ZNF23: variants seen among roughly 807,000 people sequenced by gnomAD.
The protein encoded by ZNF23 is zinc finger protein 23, also known as kruppel-like zinc finger factor X31.
ZNF23 carries 48 observed loss-of-function variants against 56.2 expected under a neutral mutation model. The ratio of observed to expected loss-of-function variants is 0.85; its 90% CI spans 0.68 to 1.09. ZNF23 has a LOEUF of 1.09. Ranked by LOEUF, ZNF23 falls within the 50% of genes least tolerant of loss-of-function variation. ZNF23 has a pLI of 0.00. For synonymous variants in ZNF23, 266 were observed against 283.3 expected (o/e 0.94, Z 0.61); for missense variants, 805 against 811.4 (o/e 0.99, Z 0.10).
In ZNF23 at chr16:71,453,242, C is replaced by T; in HGVS notation, c.268+1G>A. 2 of 1,603,356 alleles carry T rather than the reference C, an allele frequency of 1.2e-6. No individual in the cohort carries two copies. Among genetic ancestry groups the T allele is most frequent in the African/African-American group, 1.3e-5 (1 of 74,836 alleles). The stretch of plus-strand genomic sequence containing the variant: ...GAGTGGGAAATATGTACCTCCCTTA[C>T]CAGTCTGGAGGCCCTGGAGGCCTGT... On this transcript the variant is annotated splice_donor_variant, in intron 4 of 4. Transcript: ENST00000647773. LOFTEE classifies it high-confidence loss of function.
chr16:71,456,925 A>T (rs1478364462), intron 1 of ZNF23, 97 bp from the exon 2 acceptor site: 1 of 326,870 alleles, frequency 3.1e-6, no homozygotes, highest in Non-Finnish European at 4.4e-6. Context: ...GGCAGCTTGC[A>T]TCCAAATAGG....
intron 3 of ZNF23, 157 bp downstream of exon 3, chr16:71,453,885 T>C (rs1446968118): frequency 9.2e-6 from 8 of 871,100 alleles, no homozygotes; most frequent in Non-Finnish European, 1.5e-5. Context: ...GCTTGGCATT[T>C]GCCCCTGCCA....
chr16:71,453,036 G>C (rs2043107521), intron 4 of ZNF23, among the ~76,000 whole-genome samples: 1 of 152,044 alleles, frequency 6.6e-6, no homozygotes, highest in Non-Finnish European at 1.5e-5. Flanking sequence ...TGAAGGGTTT[G>C]AAAAAAGATC....
Position 71,448,092 on chromosome 16 carries a change from A to G in ZNF23, c.*1T>C. 1 of 1,576,872 alleles carries G rather than the reference A, an allele frequency of 6.3e-7. No homozygotes were observed. Among genetic ancestry groups the G allele is most frequent in the Non-Finnish European group, 8.6e-7 (1 of 1,163,990 alleles). On this transcript the variant is annotated 3_prime_UTR_variant, in exon 5 of 5. Transcript: ENST00000647773. ...AAGAGTTTTCTATATCTTTCTCATT[A>G]TTAGGATTTTCCTTCACTATGGACA...
rs186375999 is a variant in ZNF23, at chr16:71,457,158, G to A, written c.-32-330C>T. Among the ~76,000 whole-genome samples, 482 of 152,260 alleles carry A rather than the reference G, an allele frequency of 3.2e-3. 1 individual carries two copies. Among genetic ancestry groups the A allele is most frequent in the Non-Finnish European group, 5.6e-3 (384 of 68,022 alleles). ...AGTGCATATAAAACCTGCTGGGCAC[G>A]GTGGCTCGTGCCTATAATCCCAACA... is the stretch of plus-strand genomic sequence containing the variant. On this transcript the variant is annotated intron_variant, in intron 1 of 4. Coordinates refer to ENST00000647773, the MANE Select transcript of ZNF23 (RefSeq NM_001381984.1).
chr16:71,448,325 T>C lies in ZNF23; in HGVS notation c.1829A>G (p.Lys610Arg), dbSNP rs190714096. 4.3e-6 allele frequency: 7 copies of C among 1,614,082 alleles called. No homozygotes were observed. The highest frequency in any genetic ancestry group is 2.2e-5 in the East Asian group (1 of 44,874). ...EKPFQCKECG[K>R]AFHVNAHLIR... is the part of the protein sequence containing the mutation. ...TAAATGGGCATTAACATGGAAGGCT[T>C]TTCCACACTCCTTACACTGAAAGGG... Residue 610 changes from lysine to arginine, a missense_variant, in exon 5 of 5, where the codon AAA becomes AGA. Coordinates refer to ENST00000647773, the MANE Select transcript of ZNF23 (RefSeq NM_001381984.1).
chr16:71,457,843 T>A (rs1473324913), intron 1 of ZNF23, among the ~76,000 whole-genome samples: 1 of 152,240 alleles, frequency 6.6e-6, no homozygotes, highest in Non-Finnish European at 1.5e-5. Flanking sequence ...CTTTGACTTA[T>A]TTCTCTTTCT....
chr16:71,454,857 C>T (rs981212710), intron 2 of ZNF23, among the ~76,000 whole-genome samples: 3 of 152,308 alleles, frequency 2.0e-5, no homozygotes, highest in Non-Finnish European at 4.4e-5. Context: ...TCCCACTGGC[C>T]GGCTACTCTC....
chr16:71,458,900 G>A (rs1477854395), intron 1 of ZNF23, among the ~76,000 whole-genome samples: 1 of 152,244 alleles, frequency 6.6e-6, no homozygotes, highest in Non-Finnish European at 1.5e-5. Context: ...AGGCTGAGCA[G>A]TGTTTTACTT....
At chr16:71,455,929 T>C (rs1029918146) in intron 2 of ZNF23, 2 of 434,668 alleles carry the variant, frequency 4.6e-6, no homozygotes, top group African/African-American at 4.1e-5. Flanking sequence ...TGCCTTTTCT[T>C]TTTAGGTGGA....
intron 1 of ZNF23, among the ~76,000 whole-genome samples, chr16:71,458,680 G>A (rs1177905310): frequency 2.0e-5 from 3 of 152,170 alleles, no homozygotes; most frequent in African/African-American, 4.8e-5. Context: ...CAGAGCCCAC[G>A]AAACCACTCA....
intron 2 of ZNF23, 75 bp from the exon 3 acceptor site, chr16:71,454,243 T>C (rs2043148686): frequency 7.8e-6 from 12 of 1,530,482 alleles, no homozygotes; most frequent in Non-Finnish European, 9.6e-6. Flanking sequence ...GAGCGCAGTA[T>C]AAGGGCTTGG....
Position 71,453,247 on chromosome 16 carries a change from C to A in ZNF23, c.264G>T (p.Gln88His), listed in dbSNP as rs756229019. ...LAAGTGLQGL[Q>H]TVDIQTDNDL... ...GGAAATATGTACCTCCCTTACCAGTCTGGAGGCCCTGGAGGCCTGTTCCTG... is the reference window on the plus strand; with the variant it reads ...GGAAATATGTACCTCCCTTACCAGTATGGAGGCCCTGGAGGCCTGTTCCTG... Residue 88 changes from glutamine to histidine, a missense_variant, in exon 4 of 5, where the codon CAG becomes CAT. Coordinates refer to ENST00000647773, the MANE Select transcript of ZNF23 (RefSeq NM_001381984.1). 7.5e-6 allele frequency: 12 copies of A among 1,605,030 alleles called. No homozygotes were observed. In the South Asian group the frequency reaches 1.3e-4, roughly 18 times the overall value.
intron 2 of ZNF23, among the ~76,000 whole-genome samples, chr16:71,455,118 T>C (rs2043181097): frequency 6.6e-6 from 1 of 152,244 alleles, no homozygotes; most frequent in Non-Finnish European, 1.5e-5. Flanking sequence ...GTCCAACCTT[T>C]AGGTGTTTCT....
Position 71,453,140 on chromosome 16 carries a change from G to A in ZNF23, c.268+103C>T, listed in dbSNP as rs552422170. On this transcript the variant is annotated intron_variant, in intron 4 of 4. Coordinates refer to ENST00000647773, the MANE Select transcript of ZNF23 (RefSeq NM_001381984.1). Reference sequence around the variant, plus strand: ...TCAAAATTTACTCAAACTTCACTCTGTATGACTGGCCAATAAACACAGTAT... The same window carrying A: ...TCAAAATTTACTCAAACTTCACTCTATATGACTGGCCAATAAACACAGTAT... 31 of 775,288 alleles carry A rather than the reference G, an allele frequency of 4.0e-5. No homozygotes were observed. In the African/African-American group the frequency reaches 4.4e-4, roughly 11 times the overall value. 48.0% of individuals were successfully genotyped at this position (775,288 alleles called of 1,614,324 possible).
rs577746416 is a variant in ZNF23, at chr16:71,455,862, C to A, written c.33+902G>T. Among the ~76,000 whole-genome samples, 6 of 152,310 alleles carry A rather than the reference C, an allele frequency of 3.9e-5. No homozygotes were observed. In the South Asian group the frequency reaches 8.3e-4, roughly 21 times the overall value. On this transcript the variant is annotated intron_variant, in intron 2 of 4. Coordinates refer to ENST00000647773, the MANE Select transcript of ZNF23 (RefSeq NM_001381984.1). The stretch of plus-strand genomic sequence containing the variant: ...GTTCCACAGCTGTCTTATGGCTAAG[C>A]AGTTCTGAATCACACAATAACTCTG...
At chr16:71,453,385 A>G in intron 3 of ZNF23, 35 bp from the exon 4 acceptor site, 2 of 1,458,678 alleles carry the variant, frequency 1.4e-6, no homozygotes, top group Non-Finnish European at 1.9e-6. Context: ...GAGACAGATG[A>G]ATAAACTCCC....
chr16:71,450,215 C>G (rs754310139), intron 4 of ZNF23: 22 of 181,868 alleles, frequency 1.2e-4, no homozygotes, highest in Non-Finnish European at 1.9e-4. Context: ...ACCTAGAAAA[C>G]TTCTAGAAGA....
intron 1 of ZNF23, among the ~76,000 whole-genome samples, chr16:71,457,786 A>G (rs1478700910): frequency 6.6e-6 from 1 of 152,210 alleles, no homozygotes; most frequent in East Asian, 1.9e-4. Context: ...TAAAGCAAAG[A>G]GTCATGTATC....
Sources: gnomAD v4.1 joint callset for allele counts (sites outside exome capture counted in the v4.1 genomes callset) on GRCh38, gnomAD v4.1.1 for gene constraint, MANE v1.5 for transcripts, NCBI Gene and HGNC (gene_info 2026-07-23, HGNC 2026-07-21) for gene names.